ANXA11: variants seen among roughly 807,000 people sequenced by gnomAD.
ANXA11 encodes 56 kDa autoantigen.
ANXA11 carries 57 observed loss-of-function variants against 64.7 expected under a neutral mutation model. The ratio of observed to expected loss-of-function variants is 0.88; its 90% CI spans 0.71 to 1.10. The LOEUF is 1.10. Among genes scored for constraint, ANXA11 ranks in the 50% least tolerant of loss-of-function variants. The pLI is 0.00. For synonymous variants in ANXA11, 260 were observed against 265.2 expected (o/e 0.98, Z 0.19); for missense variants, 675 against 670.7 (o/e 1.01, Z -0.07).
At chr10:80,168,460 G>T (rs1220479199) in intron 5 of ANXA11, among the ~76,000 whole-genome samples, 1 of 152,184 alleles carries the variant, frequency 6.6e-6, no homozygotes, top group Non-Finnish European at 1.5e-5. Flanking sequence ...CAGCTCCCTT[G>T]GGCCTTAAGC....
At chr10:80,166,015 CGCATGCGCGCGT>C (rs979365150) in intron 8 of ANXA11, 57 bp downstream of exon 8, 18 of 1,000,788 alleles carry the variant, frequency 1.8e-5, no homozygotes, top group Middle Eastern at 2.1e-4. Context: ...TGTGTCCACA[CGCATGCGCGCGT>C]GCGCACACAC....
At chr10:80,185,941 G>A (rs184785699) in intron 1 of ANXA11, among the ~76,000 whole-genome samples, 16 of 152,178 alleles carry the variant, frequency 1.1e-4, no homozygotes, top group Admixed American at 7.2e-4. Context: ...TTCTAAGTCC[G>A]GTTTCACTGT....
chr10:80,173,951 T>C (rs1182343112), intron 2 of ANXA11, among the ~76,000 whole-genome samples: 2 of 152,218 alleles, frequency 1.3e-5, no homozygotes, highest in African/African-American at 4.8e-5. Flanking sequence ...TTCCAGATGA[T>C]GTTACTGGTC....
At chr10:80,174,753 T>C (rs1044713721) in intron 2 of ANXA11, among the ~76,000 whole-genome samples, 5 of 152,146 alleles carry the variant, frequency 3.3e-5, no homozygotes, top group Non-Finnish European at 7.3e-5. Context: ...AGATGGAGTT[T>C]CGCCATGTTG....
rs1366835216 is a variant in ANXA11, at chr10:80,151,617, C to T, written c.*4236G>A. On this transcript the variant is annotated 3_prime_UTR_variant, in exon 16 of 16. Transcript: ENST00000422982. ...CCAACAGAAAATGGGCATGGCATGGCATTAAACCACCACTTTGACCGTGGG... is the reference window on the plus strand; with the variant it reads ...CCAACAGAAAATGGGCATGGCATGGTATTAAACCACCACTTTGACCGTGGG... The T allele has an allele frequency of 6.6e-6, 1 of 152,208 alleles. No individual in the cohort carries two copies. Among genetic ancestry groups the T allele is most frequent in the Non-Finnish European group, 1.5e-5 (1 of 68,058 alleles). 9.4% of individuals were successfully genotyped at this position (152,208 alleles called of 1,614,324 possible).
At chr10:80,193,827 A>C (rs969394445) in intron 1 of ANXA11, among the ~76,000 whole-genome samples, 2 of 151,586 alleles carry the variant, frequency 1.3e-5, no homozygotes, top group Non-Finnish European at 2.9e-5. Context: ...AAAAAAAAAA[A>C]AGACAGAATA....
At chr10:80,170,587 A>G (rs1845931409) in intron 4 of ANXA11, among the ~76,000 whole-genome samples, 1 of 152,132 alleles carries the variant, frequency 6.6e-6, no homozygotes, top group African/African-American at 2.4e-5. Context: ...CCTTCCCCTC[A>G]TTTTACAGAT....
chr10:80,195,210 C>G (rs981964652), intron 1 of ANXA11, among the ~76,000 whole-genome samples: 2 of 152,182 alleles, frequency 1.3e-5, no homozygotes, highest in African/African-American at 4.8e-5. Context: ...TATTCCAGCT[C>G]CAAATGGCTG....
In ANXA11 at chr10:80,164,056, C is replaced by T; in HGVS notation, c.946G>A (p.Ala316Thr). The T allele has an allele frequency of 1.2e-6, 2 of 1,613,886 alleles. No individual in the cohort carries two copies. The highest frequency in any genetic ancestry group is 1.1e-5 in the South Asian group (1 of 91,068). The change falls in exon 9 of 16, where the codon GCA becomes ACA. Residue 316 changes from alanine (A) to threonine (T), a missense_variant. Ala to Thr is a moderately conservative substitution (Grantham distance 58). Transcript: ENST00000422982. ...HIRELNRAYKAEFKKTLEEAI... is the reference protein window; with the variant it reads ...HIRELNRAYKTEFKKTLEEAI... ...AGGGCAGAGGGAGCGGCCTCACCTG[C>T]TTTGTAGGCTCTGTTTAATTCTCGG...
rs1044001190 is a variant in ANXA11 at position 80,171,025 on chromosome 10, A to G, written c.56-110T>C. 3.3e-6 allele frequency: 5 copies of G among 1,520,372 alleles called. No individual in the cohort carries two copies. The Admixed American group carries it at 1.1e-4, about 32-fold the overall frequency. The allele number at this position is 1,520,372 out of a possible 1,614,324, so 94.2% of individuals were successfully genotyped here. On this transcript the variant is annotated intron_variant, in intron 3 of 15. Transcript: ENST00000422982. ...GAAAGGGAGGCCCAGTAAAGCCTCGAGCCTCGAGCCTCGGGACACCACAGA... is the reference window on the plus strand; with the variant it reads ...GAAAGGGAGGCCCAGTAAAGCCTCGGGCCTCGAGCCTCGGGACACCACAGA...
intron 1 of ANXA11, among the ~76,000 whole-genome samples, chr10:80,202,622 G>T (rs1320470648): frequency 6.6e-6 from 1 of 152,112 alleles, no homozygotes; most frequent in Admixed American, 6.5e-5. Flanking sequence ...GTGTTGCAGA[G>T]AAAAATCCAG....
intron 4 of ANXA11, among the ~76,000 whole-genome samples, chr10:80,169,978 A>T (rs756668654): frequency 5.9e-5 from 9 of 152,092 alleles, no homozygotes; most frequent in Non-Finnish European, 8.8e-5. Flanking sequence ...CCTTCCCCTG[A>T]TGCAGGTCTT....
chr10:80,176,333 A>G (rs1846167532), intron 1 of ANXA11, among the ~76,000 whole-genome samples, 178 bp from the exon 2 acceptor site: 1 of 152,230 alleles, frequency 6.6e-6, no homozygotes, highest in Non-Finnish European at 1.5e-5. Flanking sequence ...CACCATTATT[A>G]ATCAAGGTGC....
At chr10:80,166,702 C>G in intron 7 of ANXA11, 188 bp downstream of exon 7, 2 of 600,860 alleles carry the variant, frequency 3.3e-6, no homozygotes, top group Non-Finnish European at 5.9e-6. Context: ...CTCAGCAAAC[C>G]TCAGCACCCG....
chr10:80,204,672 C>T (rs114714462), intron 1 of ANXA11, among the ~76,000 whole-genome samples: 1,934 of 152,296 alleles, frequency 0.013, 42 homozygotes, highest in African/African-American at 0.044. Flanking sequence ...GACCATTTTA[C>T]CTAAGTCTTA....
intron 12 of ANXA11, among the ~76,000 whole-genome samples, chr10:80,160,886 A>C (rs1845476020): frequency 6.6e-6 from 1 of 151,672 alleles, no homozygotes; most frequent in Non-Finnish European, 1.5e-5. Flanking sequence ...GCCTAAAGAA[A>C]CCCTGTATAA....
intron 15 of ANXA11, chr10:80,156,529 T>C (rs1845284194): frequency 2.1e-6 from 1 of 465,958 alleles, no homozygotes; most frequent in East Asian, 7.0e-5. Flanking sequence ...TCTTTTTTTT[T>C]TTGAGACGAA....
chr10:80,159,669 A>C (rs759161853), intron 12 of ANXA11, among the ~76,000 whole-genome samples: 10 of 152,188 alleles, frequency 6.6e-5, no homozygotes, highest in Admixed American at 2.0e-4. Flanking sequence ...GCACGTCCCC[A>C]GGCCTGCTAG....
At chr10:80,201,583 G>A (rs1840423920) in intron 1 of ANXA11, among the ~76,000 whole-genome samples, 1 of 152,178 alleles carries the variant, frequency 6.6e-6, no homozygotes, top group Admixed American at 6.5e-5. Flanking sequence ...ACACCAGGTG[G>A]ATGACTCTAG....
Sources: allele counts gnomAD v4.1 joint callset (sites outside exome capture counted in the v4.1 genomes callset), GRCh38; gene constraint gnomAD v4.1.1; transcripts MANE v1.5; gene names NCBI Gene and HGNC (gene_info 2026-07-23, HGNC 2026-07-21).